The following DIS3L2 variants were observed in gnomAD, a reference collection of about 807,000 sequenced individuals.
DIS3L2 encodes DIS3-like exonuclease 2.
Under a neutral mutation model 97.5 loss-of-function variants are expected in DIS3L2, and 34 were observed. The observed-to-expected ratio is 0.35, with a 90% CI of 0.27 to 0.46. DIS3L2 has a LOEUF of 0.46. DIS3L2 is among the 20% of genes least tolerant of loss of function. The pLI is 1.00. For synonymous variants in DIS3L2, 435 were observed against 445.2 expected (o/e 0.98, Z 0.29); for missense variants, 1,038 against 1,146.0 (o/e 0.91, Z 1.36).
chr2:232,339,664 G>A, downstream of DIS3L2: 1 of 455,510 alleles, frequency 2.2e-6, no homozygotes. Context: ...GATCTGCTGT[G>A]CCTGCAGCTG....
intron 14 of DIS3L2, among the ~76,000 whole-genome samples, chr2:232,326,893 A>G (rs1253259980): frequency 6.6e-6 from 1 of 152,226 alleles, no homozygotes; most frequent in Admixed American, 6.5e-5. Flanking sequence ...TCGAGGGCAG[A>G]GGTGACTCCT....
intron 6 of DIS3L2, among the ~76,000 whole-genome samples, chr2:232,095,142 C>A (rs1696968937): frequency 6.6e-6 from 1 of 152,092 alleles, no homozygotes. Flanking sequence ...AAGTTCAGTC[C>A]AGTTACATTC....
rs55699023 is a variant in DIS3L2 at position 232,144,258 on chromosome 2, T to C, written c.950+7539T>C. ...ACCATTCCCAAAGTGATTGTACCCA[T>C]TTTTAGTCCTGCCAGCAGTGTGTAT... On this transcript the variant is annotated intron_variant, in intron 8 of 20. Transcript: ENST00000325385. Among the ~76,000 whole-genome samples the C allele has an allele frequency of 6.9e-3, 1,051 of 152,230 alleles. 17 individuals carry two copies. The highest frequency in any genetic ancestry group is 0.024 in the African/African-American group (996 of 41,554).
intron 1 of DIS3L2, among the ~76,000 whole-genome samples, chr2:232,000,263 C>A (rs1693839688): frequency 6.6e-6 from 1 of 152,056 alleles, no homozygotes; most frequent in Admixed American, 6.6e-5. Flanking sequence ...TATTTTTGAT[C>A]TGAATTCACA....
intron 13 of DIS3L2, among the ~76,000 whole-genome samples, chr2:232,342,451 T>A (rs781203623): frequency 1.3e-5 from 2 of 152,194 alleles, no homozygotes; most frequent in Non-Finnish European, 2.9e-5. Context: ...GCTGTTTGTT[T>A]TAACAAACCT....
chr2:232,015,418 C>T, intron 2 of DIS3L2, 96 bp from the exon 3 acceptor site: 1 of 1,472,354 alleles, frequency 6.8e-7, no homozygotes, highest in Admixed American at 2.3e-5. Context: ...TCTTGTTGGT[C>T]TCTTTAAATA....
At chr2:232,298,839 A>G (rs1417150630) in intron 13 of DIS3L2, among the ~76,000 whole-genome samples, 2 of 152,234 alleles carry the variant, frequency 1.3e-5, no homozygotes, top group African/African-American at 4.8e-5. Flanking sequence ...CTAGCAGGGC[A>G]TGCTGCACCT....
At chr2:231,976,628 CAAA>C (rs763912124) in intron 1 of DIS3L2, among the ~76,000 whole-genome samples, 1 of 122,498 alleles carries the variant, frequency 8.2e-6, no homozygotes. Context: ...GACCCTCTCT[CAAA>C]AAAAAAAAAA....
At chr2:232,211,807 A>G (rs1282683274) in intron 10 of DIS3L2, among the ~76,000 whole-genome samples, 4 of 152,202 alleles carry the variant, frequency 2.6e-5, no homozygotes, top group South Asian at 2.1e-4. Context: ...GACTGGTTTT[A>G]TCTTCCTTGA....
chr2:232,292,805 G>A lies in DIS3L2; in HGVS notation c.1660-7235G>A, dbSNP rs562756745. Among the ~76,000 whole-genome samples, 53 of 152,292 alleles carry A rather than the reference G, an allele frequency of 3.5e-4. No individual in the cohort carries two copies. The East Asian group carries it at 3.9e-3, about 11-fold the overall frequency. On this transcript the variant is annotated intron_variant, in intron 13 of 20. Transcript: ENST00000325385. The surrounding 1 kb of genome is among the most constrained non-coding windows in gnomAD (Gnocchi z 4.4). ...TAACTGAACCCTTTTGAAGGCTTCC[G>A]CCCTCTGCTGGTGGAAGCTGACAGA... is the stretch of plus-strand genomic sequence containing the variant.
At chr2:232,273,361 G>A (rs1694056073) in intron 13 of DIS3L2, among the ~76,000 whole-genome samples, 7 of 152,062 alleles carry the variant, frequency 4.6e-5, no homozygotes, top group Admixed American at 3.9e-4. Context: ...TTTTAACCAG[G>A]CATTTCAAGG....
At chr2:232,115,716 CT>C (rs1482069762) in intron 6 of DIS3L2, among the ~76,000 whole-genome samples, 1 of 152,164 alleles carries the variant, frequency 6.6e-6, no homozygotes, top group African/African-American at 2.4e-5. Flanking sequence ...CTCTGTCGCT[CT>C]TCTCTCTCCT....
intron 5 of DIS3L2, among the ~76,000 whole-genome samples, chr2:232,067,304 A>G (rs918463445): frequency 2.6e-5 from 4 of 152,206 alleles, no homozygotes; most frequent in Admixed American, 1.3e-4. Flanking sequence ...ACGCTACTTT[A>G]CATGCATTGC....
At chr2:232,072,405 T>TG (rs1439526735) in intron 5 of DIS3L2, among the ~76,000 whole-genome samples, 2 of 151,966 alleles carry the variant, frequency 1.3e-5, no homozygotes, top group Non-Finnish European at 2.9e-5. Flanking sequence ...ATGGAGATCT[T>TG]GGGGAATGGC....
intron 12 of DIS3L2, chr2:232,260,020 G>C (rs768947201): frequency 6.6e-6 from 1 of 152,268 alleles, no homozygotes; most frequent in Non-Finnish European, 1.5e-5. Flanking sequence ...GCCCTGTGCT[G>C]GAGCATTCAC....
intron 8 of DIS3L2, among the ~76,000 whole-genome samples, chr2:232,139,217 A>G (rs1266218280): frequency 6.6e-6 from 1 of 152,174 alleles, no homozygotes; most frequent in East Asian, 1.9e-4. Context: ...CAAGGCAACA[A>G]AGGAACCACA....
intron 14 of DIS3L2, among the ~76,000 whole-genome samples, chr2:232,320,392 G>A (rs963341634): frequency 3.3e-5 from 5 of 152,276 alleles, no homozygotes; most frequent in African/African-American, 1.2e-4. Flanking sequence ...TGTTTATACT[G>A]AGGCAGGCTG....
At chr2:232,088,661 T>C (rs957753582) in intron 6 of DIS3L2, among the ~76,000 whole-genome samples, 1 of 152,162 alleles carries the variant, frequency 6.6e-6, no homozygotes, top group Admixed American at 6.5e-5. Flanking sequence ...TCTAAGCCTT[T>C]TAAAAAGCCA....
intron 10 of DIS3L2, among the ~76,000 whole-genome samples, chr2:232,224,141 T>A (rs1023143136): frequency 6.6e-6 from 1 of 152,200 alleles, no homozygotes; most frequent in Non-Finnish European, 1.5e-5. Context: ...AATGTTCAGC[T>A]GCTGCTCAGA....
Sources: allele counts gnomAD v4.1 joint callset (sites outside exome capture counted in the v4.1 genomes callset), GRCh38; gene constraint gnomAD v4.1.1; non-coding constraint Gnocchi (gnomAD v3.1); transcripts MANE v1.5; gene names NCBI Gene and HGNC (gene_info 2026-07-23, HGNC 2026-07-21).